The following HERC4 variants were observed in gnomAD, a reference collection of about 807,000 sequenced individuals.
HERC4 encodes HECT and RLD domain containing E3 ubiquitin protein ligase 4.
In HERC4, 28 loss-of-function variants were observed where a neutral mutation model predicts 124.3. The ratio of observed to expected loss-of-function variants is 0.23; its 90% CI spans 0.17 to 0.31. The LOEUF (loss-of-function observed/expected upper bound fraction) is 0.31. HERC4 is among the 10% of genes least tolerant of loss of function. The pLI is 1.00. For synonymous variants in HERC4, 407 were observed against 421.5 expected (o/e 0.97, Z 0.42); for missense variants, 713 against 1,229.3 (o/e 0.58, Z 6.28).
rs1564515477 is a variant in HERC4 at position 67,988,708 on chromosome 10, G to A, written c.1761C>T (p.Asn587=). Residue 587 remains asparagine, a synonymous_variant, in exon 15 of 25, where the codon AAC becomes AAT. Transcript: ENST00000373700. ...GIPPSERRIF[N]SFLHTALKVL... is the part of the protein sequence containing the mutation. ...CCTTTAATGCAGTATGAAGAAAACTGTTGAAAATTCTTCTTTCAGAAGGGG... is the reference window on the plus strand; with the variant it reads ...CCTTTAATGCAGTATGAAGAAAACTATTGAAAATTCTTCTTTCAGAAGGGG... The A allele has an allele frequency of 1.3e-6, 2 of 1,596,838 alleles. No homozygotes were observed. The highest frequency in any genetic ancestry group is 2.7e-5 in the African/African-American group (2 of 73,906).
intron 21 of HERC4, among the ~76,000 whole-genome samples, chr10:67,938,405 C>T (rs1277974052): frequency 6.8e-6 from 1 of 147,580 alleles, no homozygotes; most frequent in African/African-American, 2.5e-5. Flanking sequence ...TGCACAACTG[C>T]ACTCCAGACT....
intron 4 of HERC4, chr10:68,039,841 G>C (rs2039671849): frequency 1.0e-6 from 1 of 1,003,030 alleles, no homozygotes; most frequent in Non-Finnish European, 1.2e-6. Context: ...AGCATATTAA[G>C]TATTTTAGGA....
At chr10:67,944,924 CAAG>C (rs1226491963) in intron 19 of HERC4, among the ~76,000 whole-genome samples, 3 of 152,038 alleles carry the variant, frequency 2.0e-5, no homozygotes, top group Non-Finnish European at 4.4e-5. Context: ...AAAGAAAAAA[CAAG>C]AAAGAATGAA....
At chr10:67,958,838 T>C (rs1416975487) in intron 16 of HERC4, among the ~76,000 whole-genome samples, 2 of 152,176 alleles carry the variant, frequency 1.3e-5, no homozygotes, top group Admixed American at 6.5e-5. Context: ...CATTTTATAC[T>C]GGAAGACTTG....
chr10:68,046,424 G>C (rs994913332), intron 3 of HERC4, among the ~76,000 whole-genome samples: 1 of 152,140 alleles, frequency 6.6e-6, no homozygotes, highest in African/African-American at 2.4e-5. Flanking sequence ...TCAATGTAAA[G>C]TCAAAGATAG....
chr10:67,964,462 C>T (rs2034726495), intron 16 of HERC4, among the ~76,000 whole-genome samples: 1 of 152,114 alleles, frequency 6.6e-6, no homozygotes, highest in Non-Finnish European at 1.5e-5. Context: ...ATCTCCAAGA[C>T]ATATTCCATT....
intron 15 of HERC4, among the ~76,000 whole-genome samples, chr10:67,981,212 C>T (rs1359735574): frequency 6.6e-6 from 1 of 152,088 alleles, no homozygotes; most frequent in Non-Finnish European, 1.5e-5. Context: ...ATATCCCATG[C>T]CAGTGTTAGC....
At chr10:67,934,465 A>G (rs915376770) in intron 22 of HERC4, among the ~76,000 whole-genome samples, 4 of 152,112 alleles carry the variant, frequency 2.6e-5, no homozygotes, top group Admixed American at 6.5e-5. Flanking sequence ...TTGATCCTTC[A>G]GAAAGAATCT....
At chr10:68,017,481 GTTTA>G (rs1298632498) in intron 8 of HERC4, among the ~76,000 whole-genome samples, 2 of 151,852 alleles carry the variant, frequency 1.3e-5, no homozygotes, top group Non-Finnish European at 1.5e-5. Flanking sequence ...ATGTAAATAA[GTTTA>G]TTTATTTATT....
chr10:68,039,654 C>T, intron 4 of HERC4: 1 of 1,347,492 alleles, frequency 7.4e-7, no homozygotes, highest in East Asian at 2.6e-5. Context: ...ATCCAATGCA[C>T]CTTCAAATTT....
At chr10:68,038,247 T>C (rs983702770) in intron 4 of HERC4, 78 bp from the exon 5 acceptor site, 5 of 673,912 alleles carry the variant, frequency 7.4e-6, no homozygotes, top group African/African-American at 5.7e-5. Flanking sequence ...ATGTTATTTA[T>C]TGATGGCCTA....
intron 9 of HERC4, among the ~76,000 whole-genome samples, chr10:68,012,132 G>C (rs539237992): frequency 1.2e-4 from 18 of 152,214 alleles, no homozygotes; most frequent in African/African-American, 4.3e-4. Context: ...TCTTGGTCTG[G>C]ATTAGACTTT....
intron 8 of HERC4, among the ~76,000 whole-genome samples, chr10:68,015,908 G>C (rs1050763208): frequency 5.3e-5 from 8 of 152,086 alleles, no homozygotes; most frequent in Non-Finnish European, 1.0e-4. Context: ...TTCGAGACCA[G>C]CATGGCAAAC....
At chr10:67,991,535 T>C (rs970115062) in intron 11 of HERC4, among the ~76,000 whole-genome samples, 2 of 152,208 alleles carry the variant, frequency 1.3e-5, no homozygotes, top group Non-Finnish European at 2.9e-5. Flanking sequence ...CATTTTATAT[T>C]GGCAGTGAGC....
intron 7 of HERC4, among the ~76,000 whole-genome samples, chr10:68,027,223 T>C (rs1385363416): frequency 6.6e-6 from 1 of 152,226 alleles, no homozygotes; most frequent in Admixed American, 6.5e-5. Context: ...ACATTCATTT[T>C]TCTTTTTTTA....
chr10:68,038,511 A>G (rs2039593718), intron 4 of HERC4: 1 of 169,340 alleles, frequency 5.9e-6, no homozygotes, highest in Non-Finnish European at 1.3e-5. Context: ...ATCAGCTTAC[A>G]GTTAGAAACT....
At chr10:68,025,762 T>C (rs1458599033) in intron 7 of HERC4, 86 bp from the exon 8 acceptor site, 15 of 1,391,958 alleles carry the variant, frequency 1.1e-5, no homozygotes, top group Non-Finnish European at 1.5e-5. Flanking sequence ...AAATCTTTAA[T>C]ATAAACTCAG....
chr10:68,059,982 T>G (rs2040920833), intron 3 of HERC4, among the ~76,000 whole-genome samples: 1 of 138,836 alleles, frequency 7.2e-6, no homozygotes, highest in Non-Finnish European at 1.5e-5. Flanking sequence ...TTATAATAAT[T>G]TGGTTTCTTT....
intron 19 of HERC4, among the ~76,000 whole-genome samples, chr10:67,944,688 T>G (rs2033186613): frequency 6.6e-6 from 1 of 152,160 alleles, no homozygotes; most frequent in Non-Finnish European, 1.5e-5. Flanking sequence ...ATAGCTGTTT[T>G]GAGGAAAAAG....
Sources: gnomAD v4.1 joint callset for allele counts (sites outside exome capture counted in the v4.1 genomes callset) on GRCh38, gnomAD v4.1.1 for gene constraint, MANE v1.5 for transcripts, NCBI Gene and HGNC (gene_info 2026-07-23, HGNC 2026-07-21) for gene names.